The following TMCO5A variants were observed in gnomAD, a reference collection of about 807,000 sequenced individuals.
TMCO5A encodes transmembrane and coiled-coil domain-containing protein 5A.
TMCO5A carries 34 observed loss-of-function variants against 42.3 expected under a neutral mutation model. That is an observed-to-expected ratio of 0.80 (90% CI 0.61 to 1.07). The LOEUF is 1.07. TMCO5A is among the 50% of genes least tolerant of loss of function. TMCO5A has a pLI of 0.00. For synonymous variants in TMCO5A, 131 were observed against 115.6 expected (o/e 1.13, Z -0.86); for missense variants, 357 against 327.9 (o/e 1.09, Z -0.69).
downstream of TMCO5A, chr15:37,951,447 G>T: frequency 1.9e-6 from 1 of 540,094 alleles, no homozygotes; most frequent in East Asian, 3.0e-5. Context: ...TGGATCGGCT[G>T]AATAGTACTT....
intron 11 of TMCO5A, among the ~76,000 whole-genome samples, chr15:37,960,403 T>C (rs1335493930): frequency 6.6e-6 from 1 of 152,124 alleles, no homozygotes; most frequent in East Asian, 1.9e-4. Context: ...ATCATATAAA[T>C]ATACCACAAT....
downstream of TMCO5A, among the ~76,000 whole-genome samples, chr15:37,955,853 CT>C (rs1195563369): frequency 6.6e-6 from 1 of 152,104 alleles, no homozygotes; most frequent in Non-Finnish European, 1.5e-5. Flanking sequence ...AAGTAAAACA[CT>C]CCTCAGCATA....
chr15:38,006,847 T>C, the TMCO5A span, among the ~76,000 whole-genome samples: 3 of 151,230 alleles, frequency 2.0e-5, no homozygotes, highest in East Asian at 3.9e-4. Context: ...ATTTATATTA[T>C]TTTAATATTT....
At chr15:37,976,507 G>C in the TMCO5A span, among the ~76,000 whole-genome samples, 14 of 152,130 alleles carry the variant, frequency 9.2e-5, no homozygotes, top group Non-Finnish European at 1.9e-4. Context: ...TGTTTTCCAA[G>C]TTGCTTGCTT....
rs199639021 is a variant in TMCO5A, at chr15:37,942,145, A to C, written c.505-46A>C. ...TGCTTATTATGCTTAGAAAAATTGT[A>C]AACCTTCTAAGTAGTAACTGTGGCT... On this transcript the variant is annotated intron_variant, in intron 8 of 11. Transcript: ENST00000319669. 14 of 1,573,002 alleles carry C rather than the reference A, an allele frequency of 8.9e-6. No homozygotes were observed. The East Asian group carries it at 3.1e-4, about 35-fold the overall frequency.
Position 37,959,711 on chromosome 15 carries a change from C to G in TMCO5A, c.669-6914C>G, listed in dbSNP as rs573520059. On this transcript the variant is annotated intron_variant, in intron 11 of 11. Transcript: ENST00000559502. ...TCAACGTAATAAAAGCCATATATGA[C>G]AGACCCACAGCTAGTATCATACTGA... Among the ~76,000 whole-genome samples the G allele has an allele frequency of 3.9e-3, 591 of 152,104 alleles. 41 individuals carry two copies. In the South Asian group the frequency reaches 0.12, roughly 31 times the overall value.
At chr15:37,986,581 A>T in the TMCO5A span, among the ~76,000 whole-genome samples, 1 of 151,944 alleles carries the variant, frequency 6.6e-6, no homozygotes, top group African/African-American at 2.4e-5. Flanking sequence ...TGCAAAACTG[A>T]TACTCTGTAC....
intron 6 of TMCO5A, among the ~76,000 whole-genome samples, chr15:37,940,488 C>T (rs1009744671): frequency 6.6e-6 from 1 of 152,142 alleles, no homozygotes; most frequent in African/African-American, 2.4e-5. Context: ...TCAGGGAGGC[C>T]TTTGCCAACC....
intron 11 of TMCO5A, among the ~76,000 whole-genome samples, chr15:37,962,642 A>AC (rs1176570801): frequency 6.6e-6 from 1 of 152,004 alleles, no homozygotes; most frequent in Non-Finnish European, 1.5e-5. Context: ...TGTCTTGTAG[A>AC]ATTCTTCTGT....
chr15:38,005,432 G>C, the TMCO5A span, among the ~76,000 whole-genome samples: 2 of 149,564 alleles, frequency 1.3e-5, no homozygotes, highest in East Asian at 3.9e-4. Flanking sequence ...GCTAGGCATG[G>C]TGGTGCACAC....
At position 37,951,268 on chromosome 15, in the gene TMCO5A, A is replaced by G. The variant is rs758491377; in HGVS notation, c.*34A>G. 3 of 1,601,422 alleles carry G rather than the reference A, an allele frequency of 1.9e-6. No individual in the cohort carries two copies. Among genetic ancestry groups the G allele is most frequent in the Non-Finnish European group, 8.5e-7 (1 of 1,169,994 alleles). On this transcript the variant is annotated 3_prime_UTR_variant, in exon 12 of 12. Coordinates refer to ENST00000319669, the MANE Select transcript of TMCO5A (RefSeq NM_152453.4). ...GAAATATCCTTGAGCAATAGAAGGGAAGTGGGATCCGAGCCTGTAGAAGGG... is the reference window on the plus strand; with the variant it reads ...GAAATATCCTTGAGCAATAGAAGGGGAGTGGGATCCGAGCCTGTAGAAGGG...
the TMCO5A span, among the ~76,000 whole-genome samples, chr15:37,975,246 A>C: frequency 6.6e-6 from 1 of 152,162 alleles, no homozygotes; most frequent in South Asian, 2.1e-4. Flanking sequence ...TGTTAAGTGT[A>C]TGTTAGGCCC....
the TMCO5A span, among the ~76,000 whole-genome samples, chr15:38,026,262 T>C: frequency 6.6e-6 from 1 of 152,180 alleles, no homozygotes; most frequent in Non-Finnish European, 1.5e-5. Flanking sequence ...CTGAAAGTGA[T>C]ATGGACAATA....
chr15:37,998,611 T>G, the TMCO5A span, among the ~76,000 whole-genome samples: 1 of 152,220 alleles, frequency 6.6e-6, no homozygotes, highest in East Asian at 1.9e-4. Flanking sequence ...CTCTGTAGTA[T>G]AATTTGAAGT....
intron 11 of TMCO5A, among the ~76,000 whole-genome samples, chr15:37,966,038 A>C (rs1890547636): frequency 6.6e-6 from 1 of 152,190 alleles, no homozygotes; most frequent in African/African-American, 2.4e-5. Context: ...AATAAAGAAA[A>C]TATGGTACAT....
At position 37,942,264 on chromosome 15, in the gene TMCO5A, T is replaced by G; in HGVS notation, c.569+9T>G. 6.2e-7 allele frequency: 1 copy of G among 1,612,094 alleles called. No individual in the cohort carries two copies. The highest frequency in any genetic ancestry group is 8.5e-7 in the Non-Finnish European group (1 of 1,178,876). On this transcript the variant is annotated intron_variant, in intron 9 of 11. Coordinates refer to ENST00000319669, the MANE Select transcript of TMCO5A (RefSeq NM_152453.4). ...TTCCTTGAGAGAGAAGTGTGAGCTT[T>G]GGCAAAGGAACATCCTGGTTTTGGT... is the stretch of plus-strand genomic sequence containing the variant.
chr15:37,948,142 A>T (rs1226813796), intron 11 of TMCO5A, among the ~76,000 whole-genome samples: 4 of 152,106 alleles, frequency 2.6e-5, no homozygotes, highest in Admixed American at 1.3e-4. Context: ...AAGAGCATCT[A>T]ACAGTATCCA....
the TMCO5A span, among the ~76,000 whole-genome samples, chr15:38,016,581 C>T: frequency 6.6e-6 from 1 of 152,180 alleles, no homozygotes; most frequent in African/African-American, 2.4e-5. Flanking sequence ...CAGGATCAAG[C>T]ACCTACGGTA....
chr15:38,033,020 C>T, the TMCO5A span, among the ~76,000 whole-genome samples: 1 of 151,494 alleles, frequency 6.6e-6, no homozygotes, highest in East Asian at 2.0e-4. Context: ...CTCCACCTCC[C>T]GGGTTCACGC....
Sources: allele counts gnomAD v4.1 joint callset (sites outside exome capture counted in the v4.1 genomes callset), GRCh38; gene constraint gnomAD v4.1.1; transcripts MANE v1.5; gene names NCBI Gene and HGNC (gene_info 2026-07-23, HGNC 2026-07-21).